LRRTM4: variants seen among roughly 807,000 people sequenced by gnomAD.
LRRTM4 encodes leucine rich repeat transmembrane neuronal 4.
A neutral mutation model predicts 47.6 loss-of-function variants in LRRTM4; 25 were observed. The ratio of observed to expected loss-of-function variants is 0.53; its 90% CI spans 0.38 to 0.73. The LOEUF (loss-of-function observed/expected upper bound fraction) is 0.73. Among genes scored for constraint, LRRTM4 ranks in the 30% least tolerant of loss-of-function variants. The pLI, the probability that LRRTM4 is intolerant of heterozygous loss-of-function variation, is 0.00. For synonymous variants in LRRTM4, 311 were observed against 269.5 expected (o/e 1.15, Z -1.51); for missense variants, 638 against 713.4 (o/e 0.89, Z 1.20).
At chr2:76,794,729 G>T (rs1254932236) in intron 3 of LRRTM4, among the ~76,000 whole-genome samples, 1 of 151,558 alleles carries the variant, frequency 6.6e-6, no homozygotes, top group Non-Finnish European at 1.5e-5. Context: ...CTAATTCTTT[G>T]CTATGGTGTA....
chr2:77,138,668 A>G (rs1672023817), intron 3 of LRRTM4, among the ~76,000 whole-genome samples: 1 of 152,208 alleles, frequency 6.6e-6, no homozygotes, highest in Admixed American at 6.5e-5. Flanking sequence ...CCTTCAAAAA[A>G]TCAATGAATC....
chr2:76,985,151 C>G (rs1676749122), intron 3 of LRRTM4, among the ~76,000 whole-genome samples: 2 of 151,194 alleles, frequency 1.3e-5, no homozygotes, highest in African/African-American at 2.4e-5. Context: ...TTTTGGTACA[C>G]TTTAGAAGAG....
chr2:77,058,077 T>C (rs1403112758), intron 3 of LRRTM4, among the ~76,000 whole-genome samples: 1 of 152,186 alleles, frequency 6.6e-6, no homozygotes, highest in Non-Finnish European at 1.5e-5. Context: ...TCCCACCTTA[T>C]GGGAACATTT....
chr2:77,023,667 G>C (rs1383513349), intron 3 of LRRTM4, among the ~76,000 whole-genome samples: 1 of 152,154 alleles, frequency 6.6e-6, no homozygotes, highest in Non-Finnish European at 1.5e-5. Context: ...CATAACAAGA[G>C]TCACCTTTGC....
chr2:77,058,465 C>T (rs1488519814), intron 3 of LRRTM4, among the ~76,000 whole-genome samples: 3 of 151,962 alleles, frequency 2.0e-5, no homozygotes, highest in East Asian at 3.9e-4. Context: ...AGCCTAACGT[C>T]CTTCTAGCCT....
intron 3 of LRRTM4, among the ~76,000 whole-genome samples, chr2:77,163,984 T>C (rs1672807677): frequency 6.6e-6 from 1 of 152,152 alleles, no homozygotes; most frequent in African/African-American, 2.4e-5. Context: ...GTAAATGGGC[T>C]AAAGGCTCCA....
intron 3 of LRRTM4, among the ~76,000 whole-genome samples, chr2:77,266,543 A>T (rs1251002815): frequency 6.6e-6 from 1 of 152,170 alleles, no homozygotes; most frequent in Non-Finnish European, 1.5e-5. Flanking sequence ...AAGATAAAAA[A>T]GTGTTAAATG....
At position 77,323,897 on chromosome 2, in the gene LRRTM4, G is replaced by T. The variant is rs115378519; in HGVS notation, c.1551+194421C>A. ...TTGGGGACAATAATAGTCCCTAGCT[G>T]ATATAAGAATTAAGGGAGCTAACAT... On this transcript the variant is annotated intron_variant, in intron 3 of 3. Transcript: ENST00000409884. Among the ~76,000 whole-genome samples the T allele has an allele frequency of 8.3e-4, 126 of 152,064 alleles. 1 individual carries two copies. The highest frequency in any genetic ancestry group is 3.4e-3 in the Middle Eastern group (1 of 294).
chr2:76,775,065 C>A (rs1673904487), intron 3 of LRRTM4, among the ~76,000 whole-genome samples: 1 of 152,134 alleles, frequency 6.6e-6, no homozygotes, highest in Non-Finnish European at 1.5e-5. Context: ...TATCTTGAAA[C>A]CCTCCCCTGA....
At chr2:76,781,398 C>T (rs1015569019) in intron 3 of LRRTM4, among the ~76,000 whole-genome samples, 4 of 152,364 alleles carry the variant, frequency 2.6e-5, no homozygotes, top group Non-Finnish European at 4.4e-5. Flanking sequence ...TGCTAGCAAT[C>T]AGCGAGACTC....
chr2:77,481,389 C>T (rs1205529931), intron 3 of LRRTM4, among the ~76,000 whole-genome samples: 1 of 152,130 alleles, frequency 6.6e-6, no homozygotes, highest in African/African-American at 2.4e-5. Context: ...TGAATAATAC[C>T]TGGCTTTAGC....
At chr2:77,233,427 C>G (rs1199607158) in intron 3 of LRRTM4, among the ~76,000 whole-genome samples, 1 of 152,066 alleles carries the variant, frequency 6.6e-6, no homozygotes, top group Non-Finnish European at 1.5e-5. Flanking sequence ...TATAACATTT[C>G]TCAGTTAATT....
At chr2:76,846,348 C>T (rs903899555) in intron 3 of LRRTM4, among the ~76,000 whole-genome samples, 1 of 152,062 alleles carries the variant, frequency 6.6e-6, no homozygotes, top group African/African-American at 2.4e-5. Flanking sequence ...GCCCTGGTCC[C>T]GGTGCCATAA....
At chr2:76,839,737 AT>A (rs1369510264) in intron 3 of LRRTM4, among the ~76,000 whole-genome samples, 1 of 152,120 alleles carries the variant, frequency 6.6e-6, no homozygotes, top group African/African-American at 2.4e-5. Context: ...TCCTTATCAA[AT>A]AATAGTTTGT....
chr2:77,183,876 G>T (rs1035190476), intron 3 of LRRTM4, among the ~76,000 whole-genome samples: 1 of 152,106 alleles, frequency 6.6e-6, no homozygotes, highest in Non-Finnish European at 1.5e-5. Context: ...GGTGGGAATT[G>T]AACAATGAGA....
chr2:77,223,072 T>C (rs1674690376), intron 3 of LRRTM4, among the ~76,000 whole-genome samples: 1 of 151,988 alleles, frequency 6.6e-6, no homozygotes, highest in South Asian at 2.1e-4. Context: ...TCAATAAACA[T>C]AATCCAGCAT....
intron 3 of LRRTM4, among the ~76,000 whole-genome samples, chr2:77,408,632 A>G (rs1403897427): frequency 6.6e-6 from 1 of 152,188 alleles, no homozygotes; most frequent in Non-Finnish European, 1.5e-5. Context: ...ATTACCAGTT[A>G]GCTCTGCAAG....
chr2:77,454,711 T>C (rs1017668402), intron 3 of LRRTM4, among the ~76,000 whole-genome samples: 1 of 152,148 alleles, frequency 6.6e-6, no homozygotes, highest in Admixed American at 6.6e-5. Context: ...TTGCTAGTCA[T>C]TTAACTTGAA....
intron 3 of LRRTM4, among the ~76,000 whole-genome samples, chr2:77,509,192 A>G (rs1360987093): frequency 1.3e-5 from 2 of 148,790 alleles, no homozygotes; most frequent in East Asian, 4.1e-4. Context: ...AGATGGCACA[A>G]TTGCACTCCA....
Sources: allele counts gnomAD v4.1 joint callset (sites outside exome capture counted in the v4.1 genomes callset), GRCh38; gene constraint gnomAD v4.1.1; transcripts MANE v1.5; gene names NCBI Gene and HGNC (gene_info 2026-07-23, HGNC 2026-07-21).